Variants in TIA1 observed in about 807,000 individuals in gnomAD.
TIA1 encodes TIA1 cytotoxic granule associated RNA binding protein, also known as cytotoxic granule associated RNA binding protein TIA1.
In TIA1, 23 loss-of-function variants were observed where a neutral mutation model predicts 65.9. That is an observed-to-expected ratio of 0.35 (90% CI 0.25 to 0.49). The LOEUF is 0.49. TIA1 is among the 20% of genes least tolerant of loss of function. TIA1 has a pLI of 0.98. For missense variants in TIA1, 371 were observed against 477.9 expected, an observed-to-expected ratio of 0.78 and a Z score of 2.09; for synonymous variants, 147 against 149.4, an observed-to-expected ratio of 0.98 and a Z score of 0.12.
chr2:70,214,844 T>A (rs573318302), intron 11 of TIA1, among the ~76,000 whole-genome samples: 1 of 152,286 alleles, frequency 6.6e-6, no homozygotes, highest in Non-Finnish European at 1.5e-5. Flanking sequence ...TGTGATTAAT[T>A]ATTTCTATAT....
intron 1 of TIA1, among the ~76,000 whole-genome samples, chr2:70,245,312 A>G (rs186570429): frequency 1.3e-5 from 2 of 152,320 alleles, no homozygotes; most frequent in African/African-American, 4.8e-5. Flanking sequence ...AAGATGGTCT[A>G]TAATTTACAG....
rs72902461 is a variant in TIA1, at chr2:70,212,794, C to T, written c.1086G>A (p.Pro362=). The T allele has an allele frequency of 1.1e-3, 1,827 of 1,614,056 alleles. 17 individuals are homozygous for T. In the African/African-American group the frequency reaches 0.022, roughly 20 times the overall value. Reference sequence around the variant, plus strand: ...ACATGCTGCCATTTTGCCCTTGAGGCGGTTGCACTCCATAATTTGGTCCCA... The same window carrying T: ...ACATGCTGCCATTTTGCCCTTGAGGTGGTTGCACTCCATAATTTGGTCCCA... ...PWMGPNYGVQ[P]PQGQNGSMLP... is the part of the protein sequence containing the mutation. Residue 362 remains proline, a synonymous_variant, in exon 13 of 13, where the codon CCG becomes CCA. Coordinates refer to ENST00000433529, the MANE Select transcript of TIA1 (RefSeq NM_022173.4).
chr2:70,225,539 C>T (rs1368117054), intron 6 of TIA1: 1 of 777,388 alleles, frequency 1.3e-6, no homozygotes, highest in African/African-American at 1.9e-5. Flanking sequence ...ACAATGCTTG[C>T]TCTCTCAGGA....
At chr2:70,232,208 CA>C (rs11427986) in intron 2 of TIA1, among the ~76,000 whole-genome samples, 681 of 63,890 alleles carry the variant, frequency 0.011, 4 homozygotes, top group African/African-American at 0.04. Context: ...GACTCTGTCT[CA>C]AAAAAAAAAA....
chr2:70,213,330 ATTTTCTTTTC>A (rs575205526), intron 12 of TIA1, among the ~76,000 whole-genome samples: 3 of 150,346 alleles, frequency 2.0e-5, no homozygotes, highest in Admixed American at 6.6e-5. Flanking sequence ...ACATTACAAG[ATTTTCTTTTC>A]TTTTCTTTTT....
chr2:70,232,540 C>CA (rs70956955), intron 2 of TIA1, among the ~76,000 whole-genome samples: 748 of 40,250 alleles, frequency 0.019, 21 homozygotes, highest in Middle Eastern at 0.1. Context: ...AACTCTGTCT[C>CA]AAAAAAAAAA....
intron 12 of TIA1, 40 bp from the exon 13 acceptor site, chr2:70,212,885 C>A: frequency 7.3e-7 from 1 of 1,369,030 alleles, no homozygotes; most frequent in East Asian, 2.3e-5. Context: ...GAGAGGAAAT[C>A]CACTGATTAA....
intron 10 of TIA1, among the ~76,000 whole-genome samples, chr2:70,215,960 T>C (rs1045666055): frequency 2.0e-5 from 3 of 152,156 alleles, no homozygotes; most frequent in Non-Finnish European, 4.4e-5. Context: ...TTCACAATGT[T>C]GGCCAGGCTG....
In TIA1 at chr2:70,235,126, A is replaced by G. The variant is rs1365783004; in HGVS notation, c.123+953T>C. Among the ~76,000 whole-genome samples, 9 of 152,148 alleles carry G rather than the reference A, an allele frequency of 5.9e-5. No homozygotes were observed. In the East Asian group the frequency reaches 1.7e-3, roughly 29 times the overall value. On this transcript the variant is annotated intron_variant, in intron 2 of 12. Coordinates refer to ENST00000433529, the MANE Select transcript of TIA1 (RefSeq NM_022173.4). ...TCTTTAACATAGCCTTTCCCATTAAAAAATTTAGGCCAGGTACAGTGGCTC... is the reference window on the plus strand; with the variant it reads ...TCTTTAACATAGCCTTTCCCATTAAGAAATTTAGGCCAGGTACAGTGGCTC...
intron 7 of TIA1, among the ~76,000 whole-genome samples, chr2:70,218,573 A>AT (rs925539601): frequency 7.5e-4 from 113 of 151,594 alleles, no homozygotes; most frequent in South Asian, 2.3e-3. Context: ...AGCCCGGCTA[A>AT]TTTTTTTTTG....
intron 1 of TIA1, among the ~76,000 whole-genome samples, chr2:70,242,714 C>G (rs1366486113): frequency 6.6e-6 from 1 of 152,048 alleles, no homozygotes; most frequent in Non-Finnish European, 1.5e-5. Flanking sequence ...GGCCACACAG[C>G]AGGAGGTGAG....
rs1676082776 is a variant in TIA1, at chr2:70,209,984, A to G, written c.*2735T>C. 2.9e-6 allele frequency: 1 copy of G among 345,432 alleles called. No homozygotes were observed. Among genetic ancestry groups the G allele is most frequent in the African/African-American group, 2.1e-5 (1 of 47,768 alleles). The allele number at this position is 345,432 out of a possible 1,614,324, so 21.4% of individuals were successfully genotyped here. A position where few individuals can be genotyped will look rare whatever the true frequency, so the allele number is the denominator to read the frequency against. On this transcript the variant is annotated 3_prime_UTR_variant, in exon 13 of 13. Transcript: ENST00000433529. ...AAATAAAGACTAGAATGTGAATCTC[A>G]TTTTCAACAAGTATCAGCAAGGAAA... is the stretch of plus-strand genomic sequence containing the variant.
intron 7 of TIA1, 151 bp downstream of exon 7, chr2:70,224,403 A>T: frequency 8.9e-7 from 1 of 1,122,622 alleles, no homozygotes; most frequent in South Asian, 1.6e-5. Flanking sequence ...AATAAATGTT[A>T]AACAGACAAA....
At chr2:70,248,693 A>C (rs1559009743), upstream of TIA1, 2 of 552,966 alleles carry the variant, frequency 3.6e-6, no homozygotes, top group African/African-American at 1.9e-5. Context: ...ATAATCTTGC[A>C]CTCTCAACCT....
At chr2:70,224,497 G>C in intron 7 of TIA1, 57 bp downstream of exon 7, 1 of 1,605,742 alleles carries the variant, frequency 6.2e-7, no homozygotes, top group Non-Finnish European at 8.5e-7. Context: ...AATTAAAACG[G>C]AGTGTTTCCA....
intron 10 of TIA1, 200 bp from the exon 11 acceptor site, chr2:70,215,694 G>A (rs559835414): frequency 2.0e-6 from 1 of 506,782 alleles, no homozygotes; most frequent in East Asian, 3.6e-5. Context: ...CTGGCCTTGT[G>A]TTAGGGAGGG....
intron 11 of TIA1, 89 bp from the exon 12 acceptor site, chr2:70,214,583 C>T: frequency 1.1e-6 from 1 of 938,148 alleles, no homozygotes; most frequent in Non-Finnish European, 1.4e-6. Flanking sequence ...CCAAAACACA[C>T]AGGGCCATCA....
chr2:70,231,476 C>T (rs1453426469), intron 2 of TIA1, among the ~76,000 whole-genome samples: 1 of 151,426 alleles, frequency 6.6e-6, no homozygotes, highest in Non-Finnish European at 1.5e-5. Flanking sequence ...CACTTAAAAT[C>T]ACACTGCTTT....
At chr2:70,225,199 A>C (rs760325888) in intron 6 of TIA1, 50 of 1,067,644 alleles carry the variant, frequency 4.7e-5, no homozygotes, top group Non-Finnish European at 5.7e-5. Context: ...CTAGACACAC[A>C]CAAGTTTTAA....
Sources: gnomAD v4.1 joint callset for allele counts (sites outside exome capture counted in the v4.1 genomes callset) on GRCh38, gnomAD v4.1.1 for gene constraint, MANE v1.5 for transcripts, NCBI Gene and HGNC (gene_info 2026-07-23, HGNC 2026-07-21) for gene names.